IFT52: variants seen among roughly 807,000 people sequenced by gnomAD.
IFT52 encodes intraflagellar transport 52.
In IFT52, 44 loss-of-function variants were observed where a neutral mutation model predicts 54.4. That is an observed-to-expected ratio of 0.81 (90% CI 0.63 to 1.04). The LOEUF (loss-of-function observed/expected upper bound fraction) is 1.04, where lower values mean the gene tolerates loss of function less well. Among genes scored for constraint, IFT52 ranks in the 50% least tolerant of loss-of-function variants. The probability of loss-of-function intolerance (pLI) is 0.00; values close to 1 mark genes in which losing one functional copy is unlikely to be tolerated. For synonymous variants in IFT52, 181 were observed against 185.3 expected, an observed-to-expected ratio of 0.98 and a Z score of 0.19; for missense variants, 452 against 523.6, an observed-to-expected ratio of 0.86 and a Z score of 1.33.
At chr20:43,640,151 G>A (rs540170966) in intron 12 of IFT52, among the ~76,000 whole-genome samples, 3 of 152,096 alleles carry the variant, frequency 2.0e-5, no homozygotes, top group South Asian at 2.1e-4. Context: ...TTGACAGAGC[G>A]AGACCCTGTC....
intron 11 of IFT52, 110 bp downstream of exon 11, chr20:43,636,123 T>C: frequency 1.0e-6 from 1 of 971,620 alleles, no homozygotes; most frequent in Non-Finnish European, 1.6e-6. Flanking sequence ...GCACTCCTTG[T>C]GGAGTCATAG....
intron 12 of IFT52, among the ~76,000 whole-genome samples, chr20:43,641,369 G>A (rs984967504): frequency 1.1e-4 from 16 of 151,870 alleles, no homozygotes; most frequent in Non-Finnish European, 1.9e-4. Context: ...TTCCTGAGTA[G>A]CTGGGATTAT....
At chr20:43,607,635 C>T (rs1287463234) in intron 6 of IFT52, among the ~76,000 whole-genome samples, 2 of 145,612 alleles carry the variant, frequency 1.4e-5, no homozygotes, top group Non-Finnish European at 1.5e-5. Context: ...GGATGGCGGC[C>T]GGGCAGAGAC....
intron 3 of IFT52, among the ~76,000 whole-genome samples, chr20:43,602,951 T>G (rs984313062): frequency 3.1e-4 from 47 of 152,362 alleles, no homozygotes; most frequent in Non-Finnish European, 1.5e-4. Flanking sequence ...CATATTTTCA[T>G]TACCCTTAAA....
intron 12 of IFT52, 43 bp from the exon 13 acceptor site, chr20:43,642,436 C>T: frequency 6.3e-7 from 1 of 1,590,284 alleles, no homozygotes. Flanking sequence ...TTGGGAAGGG[C>T]AGAAGTTAAG....
chr20:43,594,099 G>A (rs1003713674), intron 1 of IFT52, among the ~76,000 whole-genome samples: 1 of 151,952 alleles, frequency 6.6e-6, no homozygotes, highest in African/African-American at 2.4e-5. Flanking sequence ...CATGAGGTCA[G>A]GAGTTTGAGA....
intron 12 of IFT52, among the ~76,000 whole-genome samples, chr20:43,640,182 C>T (rs538803296): frequency 3.3e-5 from 5 of 151,976 alleles, no homozygotes; most frequent in South Asian, 2.1e-4. Flanking sequence ...AAAGGCCAGG[C>T]GCAGTGGCTC....
At chr20:43,610,447 A>T (rs115852071) in intron 6 of IFT52, among the ~76,000 whole-genome samples, 2,429 of 152,228 alleles carry the variant, frequency 0.016, 68 homozygotes, top group African/African-American at 0.056. Flanking sequence ...TCAAGAATCA[A>T]TCTAGGCTGG....
In IFT52 at chr20:43,637,364, G is replaced by A. The variant is rs1389480675; in HGVS notation, c.1120+111G>A. ...TGCAACCTCTGTCTCCCAGGTTCAA[G>A]CGATTCTCCTGTCTCAGCCTCCCGA... On this transcript the variant is annotated intron_variant, in intron 12 of 13. Transcript: ENST00000373030. 2.2e-5 allele frequency: 12 copies of A among 535,022 alleles called. No individual in the cohort carries two copies. In the East Asian group the frequency reaches 4.1e-4, roughly 18 times the overall value. 33.1% of individuals were successfully genotyped at this position (535,022 alleles called of 1,614,324 possible).
intron 10 of IFT52, among the ~76,000 whole-genome samples, chr20:43,628,854 C>CAAA (rs11086884): frequency 6.7e-6 from 1 of 148,390 alleles, no homozygotes; most frequent in Non-Finnish European, 1.5e-5. Context: ...GACTCCATCT[C>CAAA]AAAAAAAAAA....
chr20:43,630,340 A>C (rs1385801630), intron 10 of IFT52, among the ~76,000 whole-genome samples: 1 of 152,222 alleles, frequency 6.6e-6, no homozygotes, highest in African/African-American at 2.4e-5. Context: ...TGAAGGATTA[A>C]TTGGAACTGC....
intron 3 of IFT52, among the ~76,000 whole-genome samples, chr20:43,599,721 A>G (rs897958755): frequency 4.6e-5 from 7 of 152,148 alleles, no homozygotes; most frequent in African/African-American, 1.7e-4. Context: ...GACAGACATC[A>G]TATGTCTGAT....
chr20:43,591,780 G>A (rs1261055513), intron 1 of IFT52, among the ~76,000 whole-genome samples: 1 of 152,148 alleles, frequency 6.6e-6, no homozygotes, highest in African/African-American at 2.4e-5. Flanking sequence ...GTGTGGGCCC[G>A]TAGTCCTGGC....
Position 43,596,503 on chromosome 20 carries a change from A to G in IFT52, c.188A>G (p.Glu63Gly), listed in dbSNP as rs376715173. Residue 63 changes from glutamate (E) to glycine (G), a missense_variant, in exon 3 of 14, where the codon GAA (glutamate) becomes GGA (glycine). Transcript: ENST00000373030. ...CTGTGGATTACAGCTGGGCCAAGGG[A>G]AAAATTTACTGCAGCTGAGGTAAGA... ...VKLWITAGPR[E>G]KFTAAEFEIL... 16 of 1,601,346 alleles carry G rather than the reference A, an allele frequency of 1.0e-5. No homozygotes were observed. The African/African-American group carries it at 1.9e-4, about 19-fold the overall frequency.
At position 43,642,642 on chromosome 20, in the gene IFT52, C is replaced by A; in HGVS notation, c.1266+18C>A. ...TGAACCAGGTACAGAGCCTACAAGG[C>A]ACAGTGTAGTGGGAGCCCCTCCAGT... On this transcript the variant is annotated intron_variant, in intron 13 of 13. Transcript: ENST00000373030. 6.2e-7 allele frequency: 1 copy of A among 1,612,622 alleles called. No homozygotes were observed. The highest frequency in any genetic ancestry group is 8.5e-7 in the Non-Finnish European group (1 of 1,179,148).
At chr20:43,617,633 G>A (rs997264594) in intron 7 of IFT52, among the ~76,000 whole-genome samples, 9 of 152,234 alleles carry the variant, frequency 5.9e-5, no homozygotes, top group African/African-American at 1.2e-4. Context: ...TAATAGAGAC[G>A]GAGTTTGGCC....
chr20:43,600,516 G>A (rs574346066), intron 3 of IFT52, among the ~76,000 whole-genome samples: 1 of 152,122 alleles, frequency 6.6e-6, no homozygotes, highest in South Asian at 2.1e-4. Context: ...GTGTTAGCCA[G>A]GGTGATCTCG....
intron 3 of IFT52, among the ~76,000 whole-genome samples, chr20:43,597,647 A>G (rs1982084174): frequency 6.6e-6 from 1 of 152,132 alleles, no homozygotes; most frequent in Non-Finnish European, 1.5e-5. Context: ...TAATCCCAGC[A>G]CTTTGGGAGG....
rs1349684873 is a variant in IFT52 at position 43,644,980 on chromosome 20, G to A, written c.1267-1956G>A. ...AAATCAGCTGGGTGTGGTGGCCCGT[G>A]CCTGTAGTCCCAGTTACTCAGGAGG... On this transcript the variant is annotated intron_variant, in intron 13 of 13. Transcript: ENST00000373030. Among the ~76,000 whole-genome samples the A allele has an allele frequency of 1.3e-4, 7 of 53,524 alleles. 3 individuals are homozygous for A. Among genetic ancestry groups the A allele is most frequent in the Non-Finnish European group, 3.0e-4 (7 of 22,992 alleles). The allele number at this position is 53,524 out of a possible 152,430, so 35.1% of individuals were successfully genotyped here.
Sources: allele counts gnomAD v4.1 joint callset (sites outside exome capture counted in the v4.1 genomes callset), GRCh38; gene constraint gnomAD v4.1.1; transcripts MANE v1.5; gene names NCBI Gene and HGNC (gene_info 2026-07-23, HGNC 2026-07-21).